The following RARB variants were observed in gnomAD, a reference collection of about 807,000 sequenced individuals.
RARB encodes HBV-activated protein.
Under a neutral mutation model 51.9 loss-of-function variants are expected in RARB, and 17 were observed. That is an observed-to-expected ratio of 0.33 (90% confidence interval 0.22 to 0.49). The LOEUF is 0.49. RARB is among the 20% of genes least tolerant of loss of function. The pLI is 0.99. For synonymous variants in RARB, 215 were observed against 195.4 expected, an observed-to-expected ratio of 1.10 and a Z score of -0.84; for missense variants, 369 against 550.8, an observed-to-expected ratio of 0.67 and a Z score of 3.30.
chr3:24,855,621 T>C (rs538210886), intron 1 of RARB, among the ~76,000 whole-genome samples: 3 of 152,242 alleles, frequency 2.0e-5, no homozygotes, highest in South Asian at 2.1e-4. Context: ...GCACATTACA[T>C]TGATCATAAG....
chr3:24,901,419 T>A (rs1298828862), intron 2 of RARB, among the ~76,000 whole-genome samples: 1 of 152,200 alleles, frequency 6.6e-6, no homozygotes, highest in East Asian at 1.9e-4. Context: ...TATTTTTTAC[T>A]TTTTTGAGAC....
chr3:25,034,784 C>G (rs141687267), intron 2 of RARB, among the ~76,000 whole-genome samples: 1 of 152,240 alleles, frequency 6.6e-6, no homozygotes, highest in African/African-American at 2.4e-5. Context: ...AATTATCAAC[C>G]CTTAAAAATG....
At chr3:25,220,131 A>G (rs756470743) in intron 5 of RARB, among the ~76,000 whole-genome samples, 2 of 152,240 alleles carry the variant, frequency 1.3e-5, no homozygotes, top group Non-Finnish European at 2.9e-5. Context: ...GCCATAAATT[A>G]AATATTGTGA....
At chr3:25,153,741 G>A (rs1209556884) in intron 4 of RARB, among the ~76,000 whole-genome samples, 1 of 152,138 alleles carries the variant, frequency 6.6e-6, no homozygotes, top group East Asian at 1.9e-4. Context: ...CCAAAGTGCT[G>A]GGATTATAGG....
At chr3:25,169,680 A>G (rs1700611337) in intron 4 of RARB, among the ~76,000 whole-genome samples, 1 of 152,140 alleles carries the variant, frequency 6.6e-6, no homozygotes, top group Admixed American at 6.5e-5. Context: ...TATTTATAGT[A>G]GGAACCAATA....
chr3:25,207,374 G>A (rs1701577100), intron 5 of RARB, among the ~76,000 whole-genome samples: 1 of 152,138 alleles, frequency 6.6e-6, no homozygotes, highest in Non-Finnish European at 1.5e-5. Flanking sequence ...AAAGTGGTCT[G>A]CTTTTCCCAA....
intron 2 of RARB, among the ~76,000 whole-genome samples, chr3:25,018,320 T>A (rs909922451): frequency 6.6e-6 from 1 of 152,204 alleles, no homozygotes; most frequent in Non-Finnish European, 1.5e-5. Context: ...GTTAATTCTC[T>A]AAAGCAGTAT....
intron 2 of RARB, among the ~76,000 whole-genome samples, chr3:24,924,010 T>G (rs934470144): frequency 6.6e-6 from 1 of 152,174 alleles, no homozygotes; most frequent in African/African-American, 2.4e-5. Context: ...TAAGGTTGTT[T>G]GGCTTGTTCA....
intron 5 of RARB, among the ~76,000 whole-genome samples, chr3:25,193,758 A>G (rs1216399394): frequency 5.3e-5 from 8 of 152,022 alleles, no homozygotes; most frequent in Non-Finnish European, 1.2e-4. Flanking sequence ...GAGAAAGAAA[A>G]TGTTCAAATG....
intron 4 of RARB, among the ~76,000 whole-genome samples, chr3:25,138,181 G>A (rs1441750372): frequency 6.6e-6 from 1 of 152,126 alleles, no homozygotes; most frequent in South Asian, 2.1e-4. Context: ...TGGCCCAATA[G>A]TCACAAAGTG....
chr3:24,937,092 A>G (rs1047513185), intron 2 of RARB, among the ~76,000 whole-genome samples: 2 of 151,978 alleles, frequency 1.3e-5, no homozygotes, highest in African/African-American at 4.8e-5. Context: ...TAATTTAAGA[A>G]TATCACTTCA....
At chr3:25,056,180 G>C (rs1239937174) in intron 2 of RARB, among the ~76,000 whole-genome samples, 1 of 152,032 alleles carries the variant, frequency 6.6e-6, no homozygotes, top group African/African-American at 2.4e-5. Flanking sequence ...ACACAAACTA[G>C]GCAGCCTAAA....
intron 2 of RARB, among the ~76,000 whole-genome samples, chr3:24,929,838 A>G (rs925675431): frequency 1.3e-5 from 2 of 152,118 alleles, no homozygotes; most frequent in African/African-American, 4.8e-5. Flanking sequence ...ACTCCTTAAA[A>G]AAAATTCTTA....
At chr3:24,900,788 G>C (rs1273500841) in intron 2 of RARB, among the ~76,000 whole-genome samples, 3 of 152,170 alleles carry the variant, frequency 2.0e-5, no homozygotes, top group Admixed American at 6.5e-5. Flanking sequence ...CATTCGGTTT[G>C]AGCAGTGATA....
At chr3:25,306,086 T>C (rs894400472) in intron 5 of RARB, among the ~76,000 whole-genome samples, 1 of 152,164 alleles carries the variant, frequency 6.6e-6, no homozygotes, top group African/African-American at 2.4e-5. Context: ...GTAGCTGTTA[T>C]CTGAAACAAT....
At chr3:25,323,109 C>G (rs1250352704) in intron 5 of RARB, among the ~76,000 whole-genome samples, 1 of 152,140 alleles carries the variant, frequency 6.6e-6, no homozygotes, top group Admixed American at 6.5e-5. Flanking sequence ...CCATTGGCCT[C>G]TCTCCAACAG....
chr3:25,402,189 A>G (rs769291805), intron 5 of RARB, among the ~76,000 whole-genome samples: 1 of 152,244 alleles, frequency 6.6e-6, no homozygotes, highest in Non-Finnish European at 1.5e-5. Flanking sequence ...ATATCATTAC[A>G]GGTTAAAGAA....
intron 4 of RARB, among the ~76,000 whole-genome samples, chr3:25,149,044 C>T (rs1390988602): frequency 6.6e-6 from 1 of 152,132 alleles, no homozygotes. Flanking sequence ...TGGAAACTTC[C>T]TAGCAACATG....
At chr3:25,138,959 AC>A (rs1439483226) in intron 4 of RARB, among the ~76,000 whole-genome samples, 1 of 152,092 alleles carries the variant, frequency 6.6e-6, no homozygotes, top group Non-Finnish European at 1.5e-5. Flanking sequence ...AATATTTCAA[AC>A]TTTTTCATTA....
Sources: gnomAD v4.1 joint callset for allele counts (sites outside exome capture counted in the v4.1 genomes callset) on GRCh38, gnomAD v4.1.1 for gene constraint, MANE v1.5 for transcripts, NCBI Gene and HGNC (gene_info 2026-07-23, HGNC 2026-07-21) for gene names.